The following CEP83 variants were observed in gnomAD, a reference collection of about 807,000 sequenced individuals.
The protein encoded by CEP83 is centrosomal protein 83.
In CEP83, 70 loss-of-function variants were observed where a neutral mutation model predicts 101.9. That is an observed-to-expected ratio of 0.69 (90% CI 0.57 to 0.84). CEP83 has a LOEUF of 0.84. Among genes scored for constraint, CEP83 ranks in the 40% least tolerant of loss-of-function variants. CEP83 has a pLI of 0.00. For synonymous variants in CEP83, 264 were observed against 267.9 expected (o/e 0.99, Z 0.14); for missense variants, 715 against 787.2 (o/e 0.91, Z 1.10).
intron 11 of CEP83, among the ~76,000 whole-genome samples, chr12:94,349,019 C>T (rs1209126909): frequency 1.3e-5 from 2 of 152,046 alleles, no homozygotes; most frequent in African/African-American, 2.4e-5. Flanking sequence ...GGTGTGGTGG[C>T]TCACACTTGT....
At chr12:94,458,686 C>T (rs941763306) in intron 1 of CEP83, among the ~76,000 whole-genome samples, 1 of 151,852 alleles carries the variant, frequency 6.6e-6, no homozygotes. Flanking sequence ...TGCAGTGAGC[C>T]GAGATCGCGC....
At chr12:94,282,286 G>A in the CEP83 span, 1 of 1,586,794 alleles carries the variant, frequency 6.3e-7, no homozygotes, top group Non-Finnish European at 8.6e-7. Context: ...GGAACAAAAT[G>A]CTCTTTTTCA....
chr12:94,411,133 A>G (rs757170430), intron 4 of CEP83, among the ~76,000 whole-genome samples: 2 of 152,226 alleles, frequency 1.3e-5, no homozygotes, highest in Non-Finnish European at 2.9e-5. Flanking sequence ...ACTGGAGTTT[A>G]AAGTCTGGCT....
intron 2 of CEP83, among the ~76,000 whole-genome samples, chr12:94,414,315 C>T (rs575799164): frequency 1.6e-3 from 248 of 152,302 alleles, no homozygotes; most frequent in Non-Finnish European, 2.8e-3. Flanking sequence ...AATAGAATCT[C>T]ATGCTCCAAA....
chr12:94,324,480 CT>C (rs1338283979), intron 14 of CEP83, among the ~76,000 whole-genome samples: 1 of 152,076 alleles, frequency 6.6e-6, no homozygotes, highest in Non-Finnish European at 1.5e-5. Flanking sequence ...ATAGATATCC[CT>C]TTTTTCATTC....
the CEP83 span, among the ~76,000 whole-genome samples, chr12:94,292,010 T>C: frequency 6.6e-6 from 1 of 152,246 alleles, no homozygotes; most frequent in Non-Finnish European, 1.5e-5. Context: ...ACTGGCTTCT[T>C]CGCGTGTTTT....
At position 94,358,335 on chromosome 12, in the gene CEP83, T is replaced by C. The variant is rs2060577551; in HGVS notation, c.1343+9459A>G. On this transcript the variant is annotated intron_variant, in intron 11 of 16. Transcript: ENST00000397809. ...CAATGCATGAAATGAGGTATGTCCCTGGTACGGGACTAGAAAAAAAAATTG... is the reference window on the plus strand; with the variant it reads ...CAATGCATGAAATGAGGTATGTCCCCGGTACGGGACTAGAAAAAAAAATTG... Among the ~76,000 whole-genome samples the C allele has an allele frequency of 2.0e-5, 3 of 152,242 alleles. No homozygotes were observed. The East Asian group carries it at 5.8e-4, about 29-fold the overall frequency.
chr12:94,325,321 C>T (rs538499504), intron 14 of CEP83, among the ~76,000 whole-genome samples: 4 of 152,210 alleles, frequency 2.6e-5, no homozygotes, highest in Admixed American at 6.5e-5. Context: ...TACAGGCACC[C>T]GCCACCATGC....
chr12:94,363,289 C>G (rs1162979645), intron 11 of CEP83, among the ~76,000 whole-genome samples: 1 of 152,164 alleles, frequency 6.6e-6, no homozygotes, highest in African/African-American at 2.4e-5. Flanking sequence ...ACACTGTACC[C>G]TGTAAACATG....
At chr12:94,278,901 G>T in the CEP83 span, among the ~76,000 whole-genome samples, 1 of 152,152 alleles carries the variant, frequency 6.6e-6, no homozygotes, top group East Asian at 1.9e-4. Context: ...GGGAGGCTGA[G>T]GCAGGAGAAT....
intron 11 of CEP83, among the ~76,000 whole-genome samples, chr12:94,363,747 G>A (rs1328708323): frequency 1.3e-5 from 2 of 151,944 alleles, no homozygotes; most frequent in South Asian, 2.1e-4. Context: ...TCATGAGTTC[G>A]AGACCAGCCT....
At chr12:94,285,267 A>G in the CEP83 span, among the ~76,000 whole-genome samples, 1 of 152,342 alleles carries the variant, frequency 6.6e-6, no homozygotes, top group East Asian at 1.9e-4. Context: ...GGAAGGACCT[A>G]GGACTCTGCC....
At chr12:94,381,679 T>C (rs2061857748) in intron 6 of CEP83, among the ~76,000 whole-genome samples, 1 of 152,124 alleles carries the variant, frequency 6.6e-6, no homozygotes, top group Admixed American at 6.6e-5. Flanking sequence ...AGGTTTCTTT[T>C]TTCTTTTGGT....
intron 6 of CEP83, among the ~76,000 whole-genome samples, chr12:94,383,891 C>T (rs947053028): frequency 6.6e-6 from 1 of 151,946 alleles, no homozygotes; most frequent in Admixed American, 6.6e-5. Context: ...ATCCCTTTGT[C>T]CTTGCTCATT....
intron 11 of CEP83, among the ~76,000 whole-genome samples, chr12:94,349,758 A>T (rs748348940): frequency 1.6e-4 from 24 of 152,250 alleles, no homozygotes; most frequent in Non-Finnish European, 2.8e-4. Context: ...TGAAACTGGA[A>T]GTTCTAGCCA....
the CEP83 span, among the ~76,000 whole-genome samples, chr12:94,266,981 ATC>A: frequency 6.6e-6 from 1 of 152,226 alleles, no homozygotes; most frequent in Non-Finnish European, 1.5e-5. Flanking sequence ...CCTTCCAGAT[ATC>A]TCTGATGTGT....
At chr12:94,270,698 C>G in the CEP83 span, among the ~76,000 whole-genome samples, 2 of 151,458 alleles carry the variant, frequency 1.3e-5, no homozygotes, top group Non-Finnish European at 2.9e-5. Flanking sequence ...AAAACGTTAG[C>G]AAATGCTAGC....
At chr12:94,364,740 T>G (rs946782115) in intron 11 of CEP83, among the ~76,000 whole-genome samples, 7 of 151,980 alleles carry the variant, frequency 4.6e-5, no homozygotes, top group African/African-American at 1.7e-4. Flanking sequence ...ATATGGAAAT[T>G]TAAAATACAA....
chr12:94,405,091 G>A (rs1313972671), intron 4 of CEP83, among the ~76,000 whole-genome samples: 4 of 152,150 alleles, frequency 2.6e-5, no homozygotes, highest in South Asian at 4.1e-4. Context: ...TCTGGTTTAC[G>A]GTATCAAGTA....
Sources: gnomAD v4.1 joint callset for allele counts (sites outside exome capture counted in the v4.1 genomes callset) on GRCh38, gnomAD v4.1.1 for gene constraint, MANE v1.5 for transcripts, NCBI Gene and HGNC (gene_info 2026-07-23, HGNC 2026-07-21) for gene names.